Variants in YJU2 observed in about 807,000 individuals in gnomAD.
The protein encoded by YJU2 is splicing factor YJU2.
Under a neutral mutation model 39.6 loss-of-function variants are expected in YJU2, and 28 were observed. That is an observed-to-expected ratio of 0.71 (90% CI 0.52 to 0.97). The LOEUF (loss-of-function observed/expected upper bound fraction) is 0.97, where lower values mean the gene tolerates loss of function less well. Among genes scored for constraint, YJU2 ranks in the 50% least tolerant of loss-of-function variants. The pLI, the probability that YJU2 is intolerant of heterozygous loss-of-function variation, is 0.00. For synonymous variants in YJU2, 184 were observed against 182.4 expected (o/e 1.01, Z -0.07); for missense variants, 328 against 430.4 (o/e 0.76, Z 2.11).
chr19:4,260,422 C>T (rs1335654691), intron 5 of YJU2, among the ~76,000 whole-genome samples: 3 of 151,754 alleles, frequency 2.0e-5, no homozygotes, highest in Non-Finnish European at 4.4e-5. Context: ...AGCAAGATTC[C>T]TCCTAAAAAA....
chr19:4,254,885 G>A (rs769525516), intron 4 of YJU2, among the ~76,000 whole-genome samples: 7 of 151,940 alleles, frequency 4.6e-5, no homozygotes, highest in East Asian at 1.9e-4. Context: ...GTGAAACCCC[G>A]TCTCTACTAA....
At chr19:4,262,157 G>A in intron 6 of YJU2, 43 bp downstream of exon 6, 1 of 1,552,416 alleles carries the variant, frequency 6.4e-7, no homozygotes. Flanking sequence ...AGGTGAACTA[G>A]GGACAACTGA....
intron 5 of YJU2, among the ~76,000 whole-genome samples, chr19:4,259,657 G>A (rs1360873907): frequency 6.6e-6 from 1 of 152,106 alleles, no homozygotes; most frequent in Non-Finnish European, 1.5e-5. Flanking sequence ...TGGATGACAC[G>A]TGTGAGCCCC....
At position 4,250,900 on chromosome 19, in the gene YJU2, C is replaced by G. The variant is rs79171480; in HGVS notation, c.126-127C>G. The G allele has an allele frequency of 2.1e-4, 215 of 1,032,082 alleles. No individual in the cohort carries two copies. In the East Asian group the frequency reaches 3.8e-3, roughly 18 times the overall value. The allele number at this position is 1,032,082 out of a possible 1,614,324, so 63.9% of individuals were successfully genotyped here. A position where few individuals can be genotyped will look rare whatever the true frequency, so the allele number is the denominator to read the frequency against. On this transcript the variant is annotated intron_variant, in intron 2 of 7. Transcript: ENST00000262962. ...GGACACAGGGTGGGGCAGCCTGCCT[C>G]TTGAAGGAGGGAGCTCCCCGTTGCT...
intron 1 of YJU2, among the ~76,000 whole-genome samples, chr19:4,247,604 T>TGGC: frequency 3.0e-4 from 2 of 6,778 alleles, no homozygotes; most frequent in East Asian, 3.5e-3. Flanking sequence ...TGTGTGTGTG[T>TGGC]GTGTGTGTGT....
intron 4 of YJU2, among the ~76,000 whole-genome samples, chr19:4,256,622 A>T (rs1971023339): frequency 6.6e-6 from 1 of 152,248 alleles, no homozygotes; most frequent in African/African-American, 2.4e-5. Flanking sequence ...AGAGTCAGGC[A>T]TCCAGAAGCA....
intron 2 of YJU2, among the ~76,000 whole-genome samples, chr19:4,250,034 T>C (rs1599495694): frequency 1.3e-5 from 2 of 152,168 alleles, no homozygotes; most frequent in East Asian, 3.9e-4. Context: ...CATGGCAGGC[T>C]CCTCTTGTCT....
rs1970937732 is a variant in YJU2 at position 4,247,627 on chromosome 19, GTGTGTGTGTGTGTGTGTGT to G, written c.24+458_24+476del. ...TGTGTGTGTGTGTGTGTGTGTGTGT[GTGTGTGTGTGTGTGTGTGT>G]GTGTGTGTGTGTGTGTGTGTGTGTG... On this transcript the variant is annotated intron_variant, in intron 1 of 7. Coordinates refer to ENST00000262962, the MANE Select transcript of YJU2 (RefSeq NM_018074.6). Among the ~76,000 whole-genome samples the G allele has an allele frequency of 3.1e-4, 15 of 49,052 alleles. 2 individuals are homozygous for G. The highest frequency in any genetic ancestry group is 1.0e-3 in the African/African-American group (9 of 8,630). 32.2% of individuals were successfully genotyped at this position (49,052 alleles called of 152,430 possible). A position where few individuals can be genotyped will look rare whatever the true frequency, so the allele number is the denominator to read the frequency against.
chr19:4,252,395 G>A (rs57502904), intron 3 of YJU2, among the ~76,000 whole-genome samples: 55,269 of 150,894 alleles, frequency 0.37, 10,879 homozygotes, highest in African/African-American at 0.51. Flanking sequence ...TCAGGAGATC[G>A]AGACCATCCT....
At chr19:4,261,502 A>T (rs188500330) in intron 5 of YJU2, among the ~76,000 whole-genome samples, 208 of 150,444 alleles carry the variant, frequency 1.4e-3, no homozygotes, top group Non-Finnish European at 2.8e-3. Flanking sequence ...AGAAAAAAAA[A>T]ATACAAAAAT....
intron 4 of YJU2, among the ~76,000 whole-genome samples, chr19:4,255,781 C>T (rs956650814): frequency 5.4e-5 from 8 of 147,312 alleles, no homozygotes; most frequent in African/African-American, 1.5e-4. Flanking sequence ...CTGAGGCAGG[C>T]GGATCACCTG....
chr19:4,257,504 C>G (rs899791188), intron 4 of YJU2, among the ~76,000 whole-genome samples: 1 of 151,638 alleles, frequency 6.6e-6, no homozygotes, highest in Non-Finnish European at 1.5e-5. Context: ...GATGGAGTCT[C>G]ACTCTGTCAC....
intron 3 of YJU2, 111 bp from the exon 4 acceptor site, chr19:4,254,244 T>C (rs1358950390): frequency 7.5e-6 from 6 of 805,146 alleles, no homozygotes; most frequent in Non-Finnish European, 1.1e-5. Context: ...AAAGAGAAGG[T>C]AGTAGAACCA....
chr19:4,252,297 TAA>T, intron 3 of YJU2, among the ~76,000 whole-genome samples: 1 of 150,698 alleles, frequency 6.6e-6, no homozygotes, highest in South Asian at 2.1e-4. Flanking sequence ...CCAACTCTAC[TAA>T]AAAAAAATAC....
chr19:4,258,409 C>T lies in YJU2; in HGVS notation c.573C>T (p.Asp191=), dbSNP rs139277149. 1,532 of 1,590,898 alleles carry T rather than the reference C, an allele frequency of 9.6e-4. 25 individuals are homozygous for T. The South Asian group carries it at 0.014, about 15-fold the overall frequency. ...EERRRQQQEE[D]EQETAALLEE... ...GGCGGAGGCAGCAGCAGGAGGAGGA[C>T]GAGCAGGAGACCGCGTGAGTCAGGG... The change falls in exon 5 of 8, where the codon GAC becomes GAT. Residue 191 remains aspartate, a synonymous_variant. Coordinates refer to ENST00000262962, the MANE Select transcript of YJU2 (RefSeq NM_018074.6).
At chr19:4,265,173 C>T (rs985885773) in intron 6 of YJU2, among the ~76,000 whole-genome samples, 1 of 152,090 alleles carries the variant, frequency 6.6e-6, no homozygotes, top group Admixed American at 6.6e-5. Flanking sequence ...CGTGATTCAC[C>T]TTCATCAAGA....
At position 4,247,101 on chromosome 19, in the gene YJU2, A is replaced by T; in HGVS notation, c.-46A>T. 1 of 1,596,588 alleles carries T rather than the reference A, an allele frequency of 6.3e-7. No individual in the cohort carries two copies. Among genetic ancestry groups the T allele is most frequent in the Non-Finnish European group, 8.6e-7 (1 of 1,164,018 alleles). On this transcript the variant is annotated 5_prime_UTR_variant, in exon 1 of 8. Transcript: ENST00000262962. ...CGTCGGAAAAGCTCGATAATTACCC[A>T]GCCTAACCATTTCTCAGGTGCTTGC...
intron 5 of YJU2, 149 bp downstream of exon 5, chr19:4,258,572 C>T (rs932883673): frequency 5.2e-5 from 68 of 1,318,694 alleles, no homozygotes; most frequent in Middle Eastern, 2.7e-4. Context: ...TCCCTTGTGG[C>T]GTCTCTCGAG....
intron 2 of YJU2, 22 bp downstream of exon 2, chr19:4,249,350 C>G (rs1218347549): frequency 6.6e-7 from 1 of 1,515,164 alleles, no homozygotes; most frequent in East Asian, 2.3e-5. Flanking sequence ...CTGCGTGACC[C>G]CACACACCAG....
Sources: allele counts gnomAD v4.1 joint callset (sites outside exome capture counted in the v4.1 genomes callset), GRCh38; gene constraint gnomAD v4.1.1; transcripts MANE v1.5; gene names NCBI Gene and HGNC (gene_info 2026-07-23, HGNC 2026-07-21).